Variants in DOP1A observed in about 807,000 individuals in gnomAD.
DOP1A encodes protein DOP1A.
Under a neutral mutation model 267.6 loss-of-function variants are expected in DOP1A, and 90 were observed. That is an observed-to-expected ratio of 0.34 (90% CI 0.28 to 0.40). The LOEUF is 0.40. Ranked by LOEUF, DOP1A falls within the 10% of genes least tolerant of loss-of-function variation. The pLI is 1.00. For missense variants in DOP1A, 2,437 were observed against 2,900.4 expected (o/e 0.84, Z 3.67); for synonymous variants, 932 against 999.1 (o/e 0.93, Z 1.27).
chr6:83,082,461 A>G (rs1768270405), intron 1 of DOP1A, among the ~76,000 whole-genome samples: 2 of 152,222 alleles, frequency 1.3e-5, no homozygotes, highest in African/African-American at 4.8e-5. Flanking sequence ...CCTAAAAAGT[A>G]TATCCCATAG....
At chr6:83,164,789 T>C (rs187233787) in intron 38 of DOP1A, 1 of 1,314,090 alleles carries the variant, frequency 7.6e-7, no homozygotes, top group African/African-American at 1.5e-5. Flanking sequence ...CAAACCCAGG[T>C]CTGAATGTCA....
At chr6:83,141,037 A>G (rs1779565759) in intron 23 of DOP1A, among the ~76,000 whole-genome samples, 1 of 152,202 alleles carries the variant, frequency 6.6e-6, no homozygotes, top group African/African-American at 2.4e-5. Flanking sequence ...ATGTATATAC[A>G]AAGTGTTCAT....
intron 1 of DOP1A, among the ~76,000 whole-genome samples, chr6:83,079,694 G>A (rs1336544773): frequency 6.6e-6 from 1 of 152,030 alleles, no homozygotes; most frequent in Non-Finnish European, 1.5e-5. Context: ...TAATTATGCT[G>A]TAAAAATTAT....
At chr6:83,075,941 G>GAT (rs1249344226) in intron 1 of DOP1A, among the ~76,000 whole-genome samples, 2 of 152,096 alleles carry the variant, frequency 1.3e-5, no homozygotes, top group East Asian at 3.9e-4. Flanking sequence ...CAGTTTCTTG[G>GAT]ATATGACAGC....
At chr6:83,098,095 G>A (rs1771840799) in intron 3 of DOP1A, among the ~76,000 whole-genome samples, 1 of 151,732 alleles carries the variant, frequency 6.6e-6, no homozygotes, top group South Asian at 2.1e-4. Context: ...ATGTTGACCA[G>A]GGTGGTCTTG....
intron 7 of DOP1A, among the ~76,000 whole-genome samples, chr6:83,114,978 C>G (rs138671549): frequency 1.3e-5 from 2 of 152,240 alleles, no homozygotes; most frequent in African/African-American, 4.8e-5. Flanking sequence ...CTTAGTGTTC[C>G]ACTTTCCCTC....
In DOP1A at chr6:83,128,248, T is replaced by C. The variant is rs138711418; in HGVS notation, c.1720-639T>C. 2.0e-4 allele frequency among the ~76,000 whole-genome samples: 30 copies of C among 152,298 alleles called. No individual in the cohort carries two copies. In the East Asian group the frequency reaches 5.8e-3, roughly 29 times the overall value. ...AAATATGCTTGATATTTATACTTAC[T>C]CTATCCTATTGTAGGGAGTAAAAGG... On this transcript the variant is annotated intron_variant, in intron 15 of 38. Transcript: ENST00000349129.
chr6:83,135,716 A>T lies in DOP1A; in HGVS notation c.2968A>T (p.Ile990Phe), dbSNP rs750255729. ...WLNQVLQRHD[I>F]ARVLEPLLLL... ...GAACCAAGTCCTACAAAGACATGATATTGCACGAGTTTTGGAACCATTGCT... is the reference window on the plus strand; with the variant it reads ...GAACCAAGTCCTACAAAGACATGATTTTGCACGAGTTTTGGAACCATTGCT... Residue 990 changes from isoleucine to phenylalanine, a missense_variant, in exon 20 of 39, where the codon ATT becomes TTT. Physicochemically the swap from Ile to Phe is conservative, Grantham distance 21. Coordinates refer to ENST00000349129, the MANE Select transcript of DOP1A (RefSeq NM_015018.4). The T allele has an allele frequency of 6.2e-7, 1 of 1,613,698 alleles. No individual in the cohort carries two copies. The highest frequency in any genetic ancestry group is 1.1e-5 in the South Asian group (1 of 91,070).
chr6:83,073,717 T>G (rs756034656), intron 1 of DOP1A, among the ~76,000 whole-genome samples: 5 of 152,350 alleles, frequency 3.3e-5, no homozygotes, highest in African/African-American at 1.2e-4. Context: ...GAGTTTCTTA[T>G]GAGGTTGCAG....
Position 83,140,292 on chromosome 6 carries a change from C to A in DOP1A, c.5304C>A (p.Ile1768=). 6.2e-7 allele frequency: 1 copy of A among 1,613,680 alleles called. No individual in the cohort carries two copies. The highest frequency in any genetic ancestry group is 1.1e-5 in the South Asian group (1 of 91,068). Residue 1768 remains isoleucine (I), a synonymous_variant, in exon 23 of 39, where the codon ATC becomes ATA. Transcript: ENST00000349129. ...GAATCCTCTCAATCCTTCATATGAT[C>A]ATGTCCTCTGTGACACTGCTTTGGA... ...RSGILSILHM[I]MSSVTLLWSI...
In DOP1A at chr6:83,124,654, T is replaced by C. The variant is rs536223650; in HGVS notation, c.1341-51T>C. ...AGAAGGATGATGATGCTGTCACAGG[T>C]ATTCACATCACTTGACAGTATACTT... is the stretch of plus-strand genomic sequence containing the variant. On this transcript the variant is annotated intron_variant, in intron 12 of 38. Coordinates refer to ENST00000349129, the MANE Select transcript of DOP1A (RefSeq NM_015018.4). 73 of 1,261,990 alleles carry C rather than the reference T, an allele frequency of 5.8e-5. No homozygotes were observed. In the South Asian group the frequency reaches 8.3e-4, roughly 14 times the overall value. 78.2% of individuals were successfully genotyped at this position (1,261,990 alleles called of 1,614,324 possible). A position where few individuals can be genotyped will look rare whatever the true frequency, so the allele number is the denominator to read the frequency against.
intron 4 of DOP1A, among the ~76,000 whole-genome samples, chr6:83,104,321 A>G (rs1044264888): frequency 1.3e-5 from 2 of 152,114 alleles, no homozygotes; most frequent in African/African-American, 4.8e-5. Flanking sequence ...AGTGTTAAAG[A>G]GAGTAGGGGC....
rs771595947 is a variant in DOP1A, at chr6:83,091,108, T to TAA, written c.-146-5610_-146-5609dup. On this transcript the variant is annotated intron_variant, in intron 1 of 38. Transcript: ENST00000349129. ...ATGGCAGCAGGCAAAGGAAAAAAAT[T>TAA]AAAAAAAAAAAAAAGCTTGTACAGG... 6.7e-5 allele frequency among the ~76,000 whole-genome samples: 9 copies of TAA among 133,624 alleles called. No homozygotes were observed. In the South Asian group the frequency reaches 1.9e-3, roughly 28 times the overall value. The allele number at this position is 133,624 out of a possible 152,430, so 87.7% of individuals were successfully genotyped here.
intron 1 of DOP1A, among the ~76,000 whole-genome samples, chr6:83,083,417 G>C (rs987313332): frequency 6.8e-6 from 1 of 146,998 alleles, no homozygotes; most frequent in Non-Finnish European, 1.5e-5. Context: ...AAGACTTGTG[G>C]TTTAAAAAAA....
chr6:83,103,798 T>C (rs1164747705), intron 4 of DOP1A, among the ~76,000 whole-genome samples: 1 of 152,206 alleles, frequency 6.6e-6, no homozygotes, highest in Non-Finnish European at 1.5e-5. Context: ...AAATGTTCAA[T>C]GTGATGAGTT....
Position 83,160,553 on chromosome 6 carries a change from C to T in DOP1A, c.6962+593C>T, listed in dbSNP as rs1783988127. Among the ~76,000 whole-genome samples, 2 of 152,062 alleles carry T rather than the reference C, an allele frequency of 1.3e-5. 1 individual carries two copies. The highest frequency in any genetic ancestry group is 4.1e-4 in the South Asian group (2 of 4,820). On this transcript the variant is annotated intron_variant, in intron 37 of 38. Coordinates refer to ENST00000349129, the MANE Select transcript of DOP1A (RefSeq NM_015018.4). The stretch of plus-strand genomic sequence containing the variant: ...TTGAATTTTAGAATGCTTATTTTGG[C>T]TATGTAGTGTGGAGAATGGACTGGA...
In DOP1A at chr6:83,125,648, C is replaced by G; in HGVS notation, c.1634C>G (p.Pro545Arg). 6.2e-7 allele frequency: 1 copy of G among 1,613,852 alleles called. No individual in the cohort carries two copies. The highest frequency in any genetic ancestry group is 8.5e-7 in the Non-Finnish European group (1 of 1,179,822). Residue 545 changes from proline (P) to arginine (R), a missense_variant, in exon 15 of 39, where the codon CCT becomes CGT. By Grantham distance (103) the Pro-to-Arg change is moderately radical (BLOSUM62 -2). Transcript: ENST00000349129. ...LCSKILSKVQ[P>R]PLLSASTGGV... Reference sequence around the variant, plus strand: ...TCAAAGATCCTTAGCAAGGTTCAGCCTCCACTGTTATCTGCTAGCACTGGA... The same window carrying G: ...TCAAAGATCCTTAGCAAGGTTCAGCGTCCACTGTTATCTGCTAGCACTGGA...
chr6:83,152,227 C>T, intron 29 of DOP1A, 61 bp from the exon 30 acceptor site: 1 of 945,306 alleles, frequency 1.1e-6, no homozygotes, highest in South Asian at 1.7e-5. Flanking sequence ...CACACACACA[C>T]ACACATAAAA....
rs949584812 is a variant in DOP1A, at chr6:83,168,160, A to G, written c.7391A>G (p.Lys2464Arg). 6.2e-7 allele frequency: 1 copy of G among 1,611,482 alleles called. No individual in the cohort carries two copies. Among genetic ancestry groups the G allele is most frequent in the African/African-American group, 1.3e-5 (1 of 74,644 alleles). Residue 2464 changes from lysine to arginine, a missense_variant, in exon 39 of 39, where the codon AAA (lysine) becomes AGA (arginine). Transcript: ENST00000349129. Reference sequence around the variant, plus strand: ...AAAGATTTTCTGGAAGGGATGATAAAAACTTGAGCACCATTGCTGGTTCCA... The same window carrying G: ...AAAGATTTTCTGGAAGGGATGATAAGAACTTGAGCACCATTGCTGGTTCCA... ...VEKDFLEGMI[K>R]T
Sources: allele counts gnomAD v4.1 joint callset (sites outside exome capture counted in the v4.1 genomes callset), GRCh38; gene constraint gnomAD v4.1.1; transcripts MANE v1.5; gene names NCBI Gene and HGNC (gene_info 2026-07-23, HGNC 2026-07-21).